Variants in XPNPEP3 observed in about 807,000 individuals in gnomAD.
XPNPEP3 encodes the protein X-prolyl aminopeptidase 3, also known as xaa-Pro aminopeptidase 3.
Under a neutral mutation model 60.0 loss-of-function variants are expected in XPNPEP3, and 41 were observed. The observed-to-expected ratio is 0.68, with a 90% CI of 0.53 to 0.89. XPNPEP3 has a LOEUF of 0.89. Ranked by LOEUF, XPNPEP3 falls within the 40% of genes least tolerant of loss-of-function variation. The pLI is 0.00. For missense variants in XPNPEP3, 598 were observed against 638.9 expected (o/e 0.94, Z 0.69); for synonymous variants, 212 against 223.2 (o/e 0.95, Z 0.45).
chr22:40,910,551 C>A (rs763155179), intron 6 of XPNPEP3, among the ~76,000 whole-genome samples: 1 of 151,226 alleles, frequency 6.6e-6, no homozygotes, highest in Non-Finnish European at 1.5e-5. Context: ...CAAAAAAATA[C>A]AAAAATGAAC....
intron 1 of XPNPEP3, chr22:40,862,573 AAGT>A: frequency 1.0e-6 from 1 of 985,484 alleles, no homozygotes. Flanking sequence ...TGATGAGAGG[AAGT>A]ACTGGATGCT....
At chr22:40,922,212 T>C in intron 7 of XPNPEP3, 121 bp from the exon 8 acceptor site, 3 of 1,185,794 alleles carry the variant, frequency 2.5e-6, no homozygotes, top group Non-Finnish European at 3.6e-6. Context: ...TGGTACTTAT[T>C]AAACATCAAC....
chr22:40,862,936 C>CA (rs934901046), intron 1 of XPNPEP3, among the ~76,000 whole-genome samples: 4 of 151,644 alleles, frequency 2.6e-5, no homozygotes, highest in Admixed American at 6.6e-5. Flanking sequence ...ATATGTGCTC[C>CA]AAAAAAAATA....
intron 7 of XPNPEP3, 74 bp from the exon 8 acceptor site, chr22:40,922,259 A>G: frequency 6.3e-7 from 1 of 1,580,254 alleles, no homozygotes. Flanking sequence ...GGGTTTTTCT[A>G]ATCAAACTTA....
chr22:40,886,235 TC>T, intron 3 of XPNPEP3, 77 bp from the exon 4 acceptor site: 1 of 1,457,030 alleles, frequency 6.9e-7, no homozygotes, highest in Non-Finnish European at 9.5e-7. Flanking sequence ...TGACTCTTGT[TC>T]AAGTCGTTAT....
intron 1 of XPNPEP3, among the ~76,000 whole-genome samples, chr22:40,859,011 T>A (rs946719361): frequency 2.6e-5 from 4 of 152,192 alleles, no homozygotes; most frequent in African/African-American, 9.7e-5. Context: ...TCACCTCAGC[T>A]TCTCAAAGTG....
intron 6 of XPNPEP3, among the ~76,000 whole-genome samples, chr22:40,909,690 G>C (rs182607388): frequency 6.6e-6 from 1 of 151,588 alleles, no homozygotes; most frequent in East Asian, 1.9e-4. Flanking sequence ...GCTTGAGCCC[G>C]GGAGGCATAA....
intron 4 of XPNPEP3, among the ~76,000 whole-genome samples, chr22:40,892,812 A>G (rs1180782943): frequency 6.6e-6 from 1 of 152,098 alleles, no homozygotes; most frequent in African/African-American, 2.4e-5. Context: ...TCAGGAATAT[A>G]GGGCCCACCA....
chr22:40,906,184 T>A (rs1026121554), intron 4 of XPNPEP3, among the ~76,000 whole-genome samples: 9 of 152,056 alleles, frequency 5.9e-5, no homozygotes, highest in Admixed American at 5.9e-4. Flanking sequence ...CAAGCGATCC[T>A]CTCATCTCAG....
chr22:40,860,414 T>A, intron 1 of XPNPEP3: 1 of 261,218 alleles, frequency 3.8e-6, no homozygotes, highest in Non-Finnish European at 7.2e-6. Flanking sequence ...TATACTTTAA[T>A]TTTTAATTTG....
intron 1 of XPNPEP3, chr22:40,862,552 T>A: frequency 2.0e-6 from 2 of 985,542 alleles, no homozygotes; most frequent in Non-Finnish European, 2.4e-6. Context: ...TTAGTTACAA[T>A]ATAATAGTTA....
intron 4 of XPNPEP3, among the ~76,000 whole-genome samples, chr22:40,898,872 A>G (rs1481065450): frequency 6.6e-6 from 1 of 152,174 alleles, no homozygotes; most frequent in Non-Finnish European, 1.5e-5. Context: ...CTGCATCCAC[A>G]GCATTTCTGT....
At chr22:40,924,723 A>G (rs1452581733) in intron 9 of XPNPEP3, among the ~76,000 whole-genome samples, 2 of 152,198 alleles carry the variant, frequency 1.3e-5, no homozygotes, top group Middle Eastern at 3.4e-3. Flanking sequence ...GGGTTTCGCC[A>G]TGTTGGCCAG....
Position 40,886,313 on chromosome 22 carries a change from CTGAGA to C in XPNPEP3, c.591_595del (p.Thr199HisfsTer5), listed in dbSNP as rs2058068341. On this transcript the variant is annotated frameshift_variant and splice_region_variant, in exon 4 of 10. Coordinates refer to ENST00000357137, the MANE Select transcript of XPNPEP3 (RefSeq NM_022098.4). LOFTEE classifies it high-confidence loss of function. ...TTATTTTTCGGCTTCTCATTCTAAG[CTGAGA>C]CGAACATGGTTTGGTATGACTGGAT... The C allele has an allele frequency of 6.2e-7, 1 of 1,613,824 alleles. No individual in the cohort carries two copies. The highest frequency in any genetic ancestry group is 8.5e-7 in the Non-Finnish European group (1 of 1,179,982).
intron 9 of XPNPEP3, among the ~76,000 whole-genome samples, chr22:40,925,010 T>G (rs992343709): frequency 6.6e-6 from 1 of 152,184 alleles, no homozygotes; most frequent in African/African-American, 2.4e-5. Flanking sequence ...TATTAAGAAA[T>G]GAATCTTTTT....
At position 40,881,801 on chromosome 22, in the gene XPNPEP3, A is replaced by G. The variant is rs2058049068; in HGVS notation, c.213A>G (p.Glu71=). 2 of 1,614,180 alleles carry G rather than the reference A, an allele frequency of 1.2e-6. No individual in the cohort carries two copies. Among genetic ancestry groups the G allele is most frequent in the East Asian group, 2.2e-5 (1 of 44,886 alleles). The part of the protein sequence containing the change: ...GEVTPGLSQV[E]YALRRHKLMS... ...TAACTCCAGGACTATCTCAGGTGGA[A>G]TATGCACTTCGCAGACACAAACTAA... The change falls in exon 3 of 10, where the codon GAA becomes GAG. Residue 71 remains glutamate (E), a synonymous_variant. Transcript: ENST00000357137.
intron 1 of XPNPEP3, chr22:40,862,736 A>G (rs1317693790): frequency 1.0e-6 from 1 of 985,330 alleles, no homozygotes; most frequent in Non-Finnish European, 1.2e-6. Flanking sequence ...GCTGTAAAAC[A>G]TGTAATTAAA....
At chr22:40,909,087 A>C (rs535141814) in intron 5 of XPNPEP3, 35 bp from the exon 6 acceptor site, 3 of 1,597,714 alleles carry the variant, frequency 1.9e-6, no homozygotes, top group Non-Finnish European at 2.6e-6. Context: ...GCCCTACAGA[A>C]ACCCTTTGTC....
intron 2 of XPNPEP3, among the ~76,000 whole-genome samples, chr22:40,872,639 T>G (rs2058010858): frequency 6.6e-6 from 1 of 151,946 alleles, no homozygotes; most frequent in South Asian, 2.1e-4. Context: ...TTAGTAGAAA[T>G]GGGGTTTCAC....
Sources: gnomAD v4.1 joint callset for allele counts (sites outside exome capture counted in the v4.1 genomes callset) on GRCh38, gnomAD v4.1.1 for gene constraint, MANE v1.5 for transcripts, NCBI Gene and HGNC (gene_info 2026-07-23, HGNC 2026-07-21) for gene names.